The following PUM1 variants were observed in gnomAD, a reference collection of about 807,000 sequenced individuals.
PUM1 encodes the protein pumilio RNA binding family member 1.
PUM1 carries 13 observed loss-of-function variants against 131.8 expected under a neutral mutation model. The ratio of observed to expected loss-of-function variants is 0.10; its 90% CI spans 0.06 to 0.16. PUM1 has a LOEUF of 0.16. Ranked by LOEUF, PUM1 falls within the 10% of genes least tolerant of loss-of-function variation. The probability of loss-of-function intolerance (pLI) is 1.00; values close to 1 mark genes in which losing one functional copy is unlikely to be tolerated. For missense variants in PUM1, 961 were observed against 1,512.4 expected (o/e 0.64, Z 6.05); for synonymous variants, 509 against 556.5 (o/e 0.91, Z 1.20).
chr1:30,967,814 T>C (rs1640686045), intron 11 of PUM1, among the ~76,000 whole-genome samples: 1 of 152,208 alleles, frequency 6.6e-6, no homozygotes, highest in Admixed American at 6.5e-5. Flanking sequence ...AACATCAAAG[T>C]ACATCTAATC....
intron 2 of PUM1, among the ~76,000 whole-genome samples, chr1:31,042,594 T>C (rs1643856845): frequency 6.6e-6 from 1 of 152,230 alleles, no homozygotes; most frequent in Non-Finnish European, 1.5e-5. Context: ...ACAGATGGTA[T>C]AAGGTTTGTC....
intron 14 of PUM1, among the ~76,000 whole-genome samples, chr1:30,959,003 G>A (rs1640292546): frequency 6.6e-6 from 1 of 152,128 alleles, no homozygotes; most frequent in South Asian, 2.1e-4. Flanking sequence ...TACATTTTAT[G>A]CTAACAAATT....
At chr1:30,995,772 G>A (rs769744024) in intron 5 of PUM1, among the ~76,000 whole-genome samples, 35 of 152,054 alleles carry the variant, frequency 2.3e-4, no homozygotes, top group Non-Finnish European at 3.8e-4. Flanking sequence ...CTGATCTTGG[G>A]ATATATGCCC....
intron 2 of PUM1, among the ~76,000 whole-genome samples, chr1:31,042,834 G>A (rs564945531): frequency 1.4e-4 from 21 of 152,258 alleles, no homozygotes; most frequent in South Asian, 1.0e-3. Flanking sequence ...GCACGACGTC[G>A]GCTCACTGCA....
At chr1:31,049,761 T>C (rs538798047) in intron 2 of PUM1, among the ~76,000 whole-genome samples, 1 of 151,870 alleles carries the variant, frequency 6.6e-6, no homozygotes, top group East Asian at 1.9e-4. Context: ...CAAGTTGCCA[T>C]TTCAGAGGCA....
intron 2 of PUM1, among the ~76,000 whole-genome samples, chr1:31,046,154 A>C (rs1273222094): frequency 2.0e-5 from 3 of 152,108 alleles, no homozygotes; most frequent in Admixed American, 2.0e-4. Context: ...TGGGAGGCCA[A>C]GGTGGGCAGA....
At chr1:30,968,152 A>G (rs1175979936) in intron 11 of PUM1, 2 of 777,266 alleles carry the variant, frequency 2.6e-6, no homozygotes, top group Non-Finnish European at 4.6e-6. Context: ...GATACCTCCA[A>G]TATGACTTAA....
intron 7 of PUM1, among the ~76,000 whole-genome samples, chr1:30,988,467 C>T (rs1641651836): frequency 6.6e-6 from 1 of 152,152 alleles, no homozygotes; most frequent in Admixed American, 6.5e-5. Flanking sequence ...AACCAGATTC[C>T]TATTCTAAAA....
chr1:30,976,980 T>A (rs1408686424), intron 9 of PUM1, among the ~76,000 whole-genome samples: 1 of 152,128 alleles, frequency 6.6e-6, no homozygotes, highest in African/African-American at 2.4e-5. Context: ...CCTGTAAAAA[T>A]GGGTAAACAG....
intron 3 of PUM1, among the ~76,000 whole-genome samples, 198 bp from the exon 4 acceptor site, chr1:31,007,300 G>A (rs1642427628): frequency 6.6e-6 from 1 of 152,030 alleles, no homozygotes; most frequent in Non-Finnish European, 1.5e-5. Flanking sequence ...CTAAGGCAAG[G>A]TGGGGGGCAG....
intron 4 of PUM1, among the ~76,000 whole-genome samples, chr1:31,006,732 G>A (rs1351686508): frequency 6.6e-6 from 1 of 152,138 alleles, no homozygotes; most frequent in Non-Finnish European, 1.5e-5. Context: ...AGAACAAAAC[G>A]TTACAGCTGA....
At chr1:31,017,729 T>C (rs1216286097) in intron 3 of PUM1, among the ~76,000 whole-genome samples, 1 of 152,100 alleles carries the variant, frequency 6.6e-6, no homozygotes, top group East Asian at 1.9e-4. Flanking sequence ...ACCTGGAAAC[T>C]GGCCATCAAC....
intron 14 of PUM1, 74 bp from the exon 15 acceptor site, chr1:30,954,055 A>G: frequency 6.9e-7 from 1 of 1,451,078 alleles, no homozygotes; most frequent in East Asian, 2.3e-5. Context: ...AAGCATTCCC[A>G]CACCCGAAAG....
chr1:31,019,458 C>T (rs1275443117), intron 3 of PUM1, among the ~76,000 whole-genome samples: 1 of 152,198 alleles, frequency 6.6e-6, no homozygotes, highest in African/African-American at 2.4e-5. Context: ...CAGGGGTTTC[C>T]TGTTTTCTGC....
Position 31,046,570 on chromosome 1 carries a change from C to T in PUM1, c.363+12634G>A, listed in dbSNP as rs577481057. 3.2e-4 allele frequency among the ~76,000 whole-genome samples: 47 copies of T among 144,788 alleles called. 1 individual carries two copies. The East Asian group carries it at 9.6e-3, about 30-fold the overall frequency. 95.0% of individuals were successfully genotyped at this position (144,788 alleles called of 152,430 possible). On this transcript the variant is annotated intron_variant, in intron 2 of 21. Transcript: ENST00000426105. ...TCACTCAGGCTGGAGTGCAGTGGCG[C>T]GATCTTGGCTGACTGTAACTTCCGC...
At chr1:31,020,324 C>T (rs1445068903) in intron 3 of PUM1, among the ~76,000 whole-genome samples, 1 of 152,172 alleles carries the variant, frequency 6.6e-6, no homozygotes, top group Non-Finnish European at 1.5e-5. Flanking sequence ...GTTGATTCCA[C>T]GTCTGTGCTA....
intron 21 of PUM1, among the ~76,000 whole-genome samples, chr1:30,935,486 C>G (rs1283627541): frequency 6.6e-6 from 1 of 152,210 alleles, no homozygotes; most frequent in Non-Finnish European, 1.5e-5. Context: ...TGCTGTACAA[C>G]AGGTGTTTAG....
chr1:30,972,546 G>C (rs1640959064), intron 10 of PUM1, among the ~76,000 whole-genome samples: 1 of 149,354 alleles, frequency 6.7e-6, no homozygotes, highest in Non-Finnish European at 1.5e-5. Context: ...GGCCGAGGGG[G>C]GTGGATCACT....
rs776544462 is a variant in PUM1 at position 30,942,046 on chromosome 1, T to A, written c.3072A>T (p.Thr1024=). ...GGTGAAGCTCCTCTAAAATAGGGAG[T>A]GTCTGGTCAGGGAGACAGTGCTCCA... ...RILEHCLPDQ[T]LPILEELHQH... The change falls in exon 19 of 22, where the codon ACA becomes ACT. Residue 1024 remains threonine (T), a synonymous_variant. Coordinates refer to ENST00000426105, the MANE Select transcript of PUM1 (RefSeq NM_001020658.2). The A allele has an allele frequency of 7.7e-5, 124 of 1,601,686 alleles. No homozygotes were observed. The highest frequency in any genetic ancestry group is 5.0e-4 in the Middle Eastern group (3 of 6,018).
Sources: gnomAD v4.1 joint callset for allele counts (sites outside exome capture counted in the v4.1 genomes callset) on GRCh38, gnomAD v4.1.1 for gene constraint, MANE v1.5 for transcripts, NCBI Gene and HGNC (gene_info 2026-07-23, HGNC 2026-07-21) for gene names.